Variants in FAAH observed in about 807,000 individuals in gnomAD.
The protein encoded by FAAH is fatty-acid amide hydrolase 1.
A neutral mutation model predicts 69.7 loss-of-function variants in FAAH; 63 were observed. The observed-to-expected ratio is 0.90, with a 90% CI of 0.74 to 1.12. The LOEUF is 1.12. Among genes scored for constraint, FAAH ranks in the 50% most tolerant of loss-of-function variants. FAAH has a pLI of 0.00. For synonymous variants in FAAH, 305 were observed against 324.2 expected (o/e 0.94, Z 0.64); for missense variants, 680 against 755.0 (o/e 0.90, Z 1.16).
intron 8 of FAAH, 148 bp downstream of exon 8, chr1:46,408,732 G>A: frequency 8.0e-7 from 1 of 1,254,576 alleles, no homozygotes; most frequent in Non-Finnish European, 1.2e-6. Context: ...CAAGTATATA[G>A]AGGGCTGATC....
intron 9 of FAAH, 73 bp downstream of exon 9, chr1:46,409,271 G>A (rs1664857715): frequency 1.7e-6 from 2 of 1,187,540 alleles, no homozygotes. Flanking sequence ...AGCAGGGTGT[G>A]GTGATGCCTG....
In FAAH at chr1:46,410,115, A is replaced by G. The variant is rs1056808030; in HGVS notation, c.1176-283A>G. ...GGGGAGGTACCCTCAGGGAGGCCTC[A>G]TCAGGGAGATGTTGCCCTCAGTTCT... On this transcript the variant is annotated intron_variant, in intron 9 of 14. Coordinates refer to ENST00000243167, the MANE Select transcript of FAAH (RefSeq NM_001441.3). The surrounding 1 kb of genome is among the most constrained non-coding windows in gnomAD (Gnocchi z 4.9). The G allele has an allele frequency of 5.0e-6, 2 of 399,036 alleles. No homozygotes were observed. 24.7% of individuals were successfully genotyped at this position (399,036 alleles called of 1,614,324 possible).
At chr1:46,403,152 TG>T (rs1234385115) in intron 2 of FAAH, among the ~76,000 whole-genome samples, 5 of 142,374 alleles carry the variant, frequency 3.5e-5, no homozygotes, top group South Asian at 2.3e-4. Context: ...TTTTTTGAGA[TG>T]GGAGTCTTGC....
At position 46,405,460 on chromosome 1, in the gene FAAH, G is replaced by A; in HGVS notation, c.533G>A (p.Gly178Asp). The A allele has an allele frequency of 1.2e-6, 2 of 1,613,202 alleles. No homozygotes were observed. Among genetic ancestry groups the A allele is most frequent in the Non-Finnish European group, 1.7e-6 (2 of 1,179,958 alleles). The change falls in exon 4 of 15, where the codon GGT becomes GAT. Residue 178 changes from glycine (G) to aspartate (D), a missense_variant. Coordinates refer to ENST00000243167, the MANE Select transcript of FAAH (RefSeq NM_001441.3). The surrounding 1 kb of genome is among the most constrained non-coding windows in gnomAD (Gnocchi z 4.1). ...GTGGTGCATGTGCTGAAGCTGCAGG[G>A]TGCCGTGCCCTTCGTGCACACCAAT... is the stretch of plus-strand genomic sequence containing the variant. ...SVVVHVLKLQ[G>D]AVPFVHTNVP...
rs1569825499 is a variant in FAAH, at chr1:46,411,737, A to G, written c.1356+86A>G. ...TACCCGCTAGCAGTGTCTCGTGGCC[A>G]CTGCCCCCATGGGGCTCCTAGACTG... On this transcript the variant is annotated intron_variant, in intron 12 of 14. Transcript: ENST00000243167. This position sits in a 1 kb window ranked among gnomAD's most constrained non-coding sequence, Gnocchi z 4.8. 3 of 1,491,674 alleles carry G rather than the reference A, an allele frequency of 2.0e-6. No individual in the cohort carries two copies. The highest frequency in any genetic ancestry group is 2.8e-6 in the Non-Finnish European group (3 of 1,081,324). 92.4% of individuals were successfully genotyped at this position (1,491,674 alleles called of 1,614,324 possible).
chr1:46,394,321 C>G lies in FAAH; in HGVS notation c.-28C>G. 6.5e-7 allele frequency: 1 copy of G among 1,539,840 alleles called. No homozygotes were observed. Among genetic ancestry groups the G allele is most frequent in the Non-Finnish European group, 8.7e-7 (1 of 1,147,012 alleles). ...GCGCGTGCGGCGGCTTCAACTGTCG[C>G]GGTAGGCAGCAGCAGGCTGAAGGGA... On this transcript the variant is annotated 5_prime_UTR_variant, in exon 1 of 15. Transcript: ENST00000243167.
In FAAH at chr1:46,402,053, C is replaced by T. The variant is rs562782686; in HGVS notation, c.196-38C>T. The T allele has an allele frequency of 1.6e-5, 25 of 1,539,038 alleles. 1 individual carries two copies. The highest frequency in any genetic ancestry group is 5.9e-5 in the South Asian group (5 of 84,982). On this transcript the variant is annotated intron_variant, in intron 1 of 14. Coordinates refer to ENST00000243167, the MANE Select transcript of FAAH (RefSeq NM_001441.3). ...TGTCTGCTGCAGGCCCATGAGACTT[C>T]GGCGAGTAGGGGACTGATCCGAGTT...
rs1290223630 is a variant in FAAH at position 46,411,056 on chromosome 1, G to T, written c.1316+202G>T. On this transcript the variant is annotated intron_variant, in intron 11 of 14. Transcript: ENST00000243167. The surrounding 1 kb of genome is among the most constrained non-coding windows in gnomAD (Gnocchi z 4.8). ...GTCCAGTTCTGGCTGGAGAGCAAAG[G>T]CCTGAGGGGGACAAGAGGATGGGGG... Among the ~76,000 whole-genome samples the T allele has an allele frequency of 1.3e-5, 2 of 152,096 alleles. No homozygotes were observed. Among genetic ancestry groups the T allele is most frequent in the African/African-American group, 4.8e-5 (2 of 41,404 alleles).
intron 1 of FAAH, among the ~76,000 whole-genome samples, chr1:46,396,008 G>T (rs955192037): frequency 1.3e-5 from 2 of 152,038 alleles, no homozygotes; most frequent in African/African-American, 4.8e-5. Context: ...GAGGACCCGC[G>T]CCAGCACTGG....
chr1:46,399,912 AG>A (rs1158371767), intron 1 of FAAH, among the ~76,000 whole-genome samples: 1 of 152,118 alleles, frequency 6.6e-6, no homozygotes, highest in African/African-American at 2.4e-5. Flanking sequence ...TTTATAGAGG[AG>A]GGACTGTGCA....
intron 7 of FAAH, among the ~76,000 whole-genome samples, chr1:46,407,569 G>A (rs571625837): frequency 5.9e-5 from 9 of 152,166 alleles, no homozygotes; most frequent in South Asian, 2.1e-4. Context: ...TCTCTTGAGT[G>A]TTCTGGTTGT....
chr1:46,397,932 C>CTTTTT (rs1047486835), intron 1 of FAAH, among the ~76,000 whole-genome samples: 9 of 118,032 alleles, frequency 7.6e-5, no homozygotes, highest in South Asian at 2.9e-4. Flanking sequence ...GTCTTGAACT[C>CTTTTT]TTTTTTTTTT....
chr1:46,399,746 T>C (rs1365205113), intron 1 of FAAH, among the ~76,000 whole-genome samples: 1 of 152,226 alleles, frequency 6.6e-6, no homozygotes, highest in Non-Finnish European at 1.5e-5. Context: ...TGATTTTCAT[T>C]GTGAGATGGG....
In FAAH at chr1:46,410,549, C is replaced by T. The variant is rs552184950; in HGVS notation, c.1275+52C>T. On this transcript the variant is annotated intron_variant, in intron 10 of 14. Coordinates refer to ENST00000243167, the MANE Select transcript of FAAH (RefSeq NM_001441.3). The surrounding 1 kb of genome is among the most constrained non-coding windows in gnomAD (Gnocchi z 4.9). Reference sequence around the variant, plus strand: ...AGGATGGCTGGGGGGGAACCTAGGGCCTCCTATCGCATGATCCCCCATGGC... The same window carrying T: ...AGGATGGCTGGGGGGGAACCTAGGGTCTCCTATCGCATGATCCCCCATGGC... 4 of 1,520,096 alleles carry T rather than the reference C, an allele frequency of 2.6e-6. No homozygotes were observed. In the African/African-American group the frequency reaches 5.5e-5, roughly 21 times the overall value. The allele number at this position is 1,520,096 out of a possible 1,614,324, so 94.2% of individuals were successfully genotyped here.
chr1:46,399,561 T>C (rs1664659986), intron 1 of FAAH, among the ~76,000 whole-genome samples: 1 of 152,230 alleles, frequency 6.6e-6, no homozygotes, highest in African/African-American at 2.4e-5. Context: ...GCACAGGCAC[T>C]CTGTGGGCGC....
intron 13 of FAAH, 39 bp downstream of exon 13, chr1:46,412,290 G>A (rs1664931242): frequency 6.6e-7 from 1 of 1,504,358 alleles, no homozygotes; most frequent in Non-Finnish European, 9.0e-7. Context: ...CTGTGAATCT[G>A]GCCATGTGCC....
rs202121906 is a variant in FAAH, at chr1:46,413,211, G to A, written c.1602G>A (p.Met534Ile). The change falls in exon 14 of 15, where the codon ATG (methionine) becomes ATA (isoleucine). Residue 534 changes from methionine (M) to isoleucine (I), a missense_variant. By Grantham distance (10) the Met-to-Ile change is conservative. Transcript: ENST00000243167. ...RGYFGDIWDK[M>I]LQKGMKKSVG... The stretch of plus-strand genomic sequence containing the variant: ...ACTTTGGGGATATCTGGGACAAGAT[G>A]CTGCAGAAGGTGAGGACTGACCTGC... The A allele has an allele frequency of 1.2e-6, 2 of 1,614,166 alleles. No individual in the cohort carries two copies. Among genetic ancestry groups the A allele is most frequent in the Non-Finnish European group, 1.7e-6 (2 of 1,180,024 alleles).
At chr1:46,401,815 G>A (rs867103576) in intron 1 of FAAH, among the ~76,000 whole-genome samples, 4 of 152,226 alleles carry the variant, frequency 2.6e-5, no homozygotes, top group South Asian at 4.1e-4. Context: ...GGAGGCTGAA[G>A]TGGGAGGATC....
In FAAH at chr1:46,404,504, G is replaced by C. The variant is rs1328232923; in HGVS notation, c.310-510G>C. 6.6e-6 allele frequency among the ~76,000 whole-genome samples: 1 copy of C among 152,232 alleles called. No homozygotes were observed. Among genetic ancestry groups the C allele is most frequent in the African/African-American group, 2.4e-5 (1 of 41,454 alleles). ...ATTCAAGATTTCCTGGGTAAGGGGA[G>C]GCTTGACTGGGCTACATGTGGGGAA... On this transcript the variant is annotated intron_variant, in intron 2 of 14. Coordinates refer to ENST00000243167, the MANE Select transcript of FAAH (RefSeq NM_001441.3). This position sits in a 1 kb window ranked among gnomAD's most constrained non-coding sequence, Gnocchi z 4.5.
Sources: gnomAD v4.1 joint callset for allele counts (sites outside exome capture counted in the v4.1 genomes callset) on GRCh38, gnomAD v4.1.1 for gene constraint, Gnocchi (gnomAD v3.1) non-coding constraint, MANE v1.5 for transcripts, NCBI Gene and HGNC (gene_info 2026-07-23, HGNC 2026-07-21) for gene names.